Variants in ULK4 observed in about 807,000 individuals in gnomAD.
The protein encoded by ULK4 is unc-51 like kinase 4.
Under a neutral mutation model 160.6 loss-of-function variants are expected in ULK4, and 133 were observed. That is an observed-to-expected ratio of 0.83 (90% CI 0.72 to 0.96). The LOEUF (loss-of-function observed/expected upper bound fraction) is 0.96. Ranked by LOEUF, ULK4 falls within the 40% of genes least tolerant of loss-of-function variation. ULK4 has a pLI of 0.00. For missense variants in ULK4, 1,580 were observed against 1,499.5 expected, an observed-to-expected ratio of 1.05 and a Z score of -0.89; for synonymous variants, 534 against 539.8, an observed-to-expected ratio of 0.99 and a Z score of 0.15.
chr3:41,888,016 AT>A (rs1178061484), intron 16 of ULK4, among the ~76,000 whole-genome samples: 1 of 151,932 alleles, frequency 6.6e-6, no homozygotes, highest in African/African-American at 2.4e-5. Context: ...AAAAAAAAAA[AT>A]GTTTTTAATT....
intron 34 of ULK4, among the ~76,000 whole-genome samples, chr3:41,421,677 G>A (rs1179420600): frequency 6.6e-6 from 1 of 151,868 alleles, no homozygotes; most frequent in South Asian, 2.1e-4. Context: ...TGTGGGGAGG[G>A]GATTTTCTTG....
chr3:41,841,541 T>G (rs1055825307), intron 17 of ULK4, among the ~76,000 whole-genome samples: 3 of 151,212 alleles, frequency 2.0e-5, no homozygotes, highest in African/African-American at 7.3e-5. Flanking sequence ...GCCCTTCGTC[T>G]GGGAGGTGGG....
At chr3:41,672,314 C>T (rs151203698) in intron 29 of ULK4, among the ~76,000 whole-genome samples, 10 of 152,224 alleles carry the variant, frequency 6.6e-5, no homozygotes, top group African/African-American at 1.7e-4. Context: ...CAGGAATCAA[C>T]CTAGTGTCCA....
intron 3 of ULK4, among the ~76,000 whole-genome samples, chr3:41,936,583 G>A (rs936294823): frequency 6.6e-6 from 1 of 152,112 alleles, no homozygotes; most frequent in Admixed American, 6.5e-5. Flanking sequence ...GTACTATTCA[G>A]CCATAAAAAA....
At chr3:41,629,008 T>C (rs1309635338) in intron 30 of ULK4, among the ~76,000 whole-genome samples, 1 of 152,264 alleles carries the variant, frequency 6.6e-6, no homozygotes, top group Non-Finnish European at 1.5e-5. Context: ...ACACTTTCTA[T>C]GTGCCTATAT....
chr3:41,823,124 C>A (rs773045898), intron 18 of ULK4, among the ~76,000 whole-genome samples: 23 of 152,120 alleles, frequency 1.5e-4, no homozygotes, highest in Non-Finnish European at 1.0e-4. Context: ...AGACTGTAGA[C>A]AGGCTGGCTC....
intron 35 of ULK4, among the ~76,000 whole-genome samples, chr3:41,396,513 A>C (rs1431037340): frequency 6.6e-6 from 1 of 151,748 alleles, no homozygotes; most frequent in Non-Finnish European, 1.5e-5. Context: ...CTTCAGATTG[A>C]CTCACCTTTT....
intron 17 of ULK4, among the ~76,000 whole-genome samples, chr3:41,839,722 G>C (rs1171977566): frequency 1.3e-5 from 2 of 152,006 alleles, no homozygotes. Context: ...CCTAGAACTA[G>C]TGAGTTCTGC....
At chr3:41,443,707 C>T (rs759886397) in intron 34 of ULK4, among the ~76,000 whole-genome samples, 7 of 151,640 alleles carry the variant, frequency 4.6e-5, no homozygotes, top group Admixed American at 6.6e-5. Flanking sequence ...GTATATATAT[C>T]GTGATACATA....
chr3:41,868,476 T>A (rs1465586995), intron 17 of ULK4, among the ~76,000 whole-genome samples: 1 of 151,780 alleles, frequency 6.6e-6, no homozygotes, highest in South Asian at 2.1e-4. Context: ...AAACTGTATA[T>A]AGCTAGGTTT....
At chr3:41,477,465 T>C (rs903065298) in intron 32 of ULK4, among the ~76,000 whole-genome samples, 1 of 152,244 alleles carries the variant, frequency 6.6e-6, no homozygotes, top group Non-Finnish European at 1.5e-5. Context: ...TGGCTAATTT[T>C]ACATTTACAT....
At chr3:41,713,240 C>T (rs1272684060) in intron 25 of ULK4, among the ~76,000 whole-genome samples, 1 of 152,110 alleles carries the variant, frequency 6.6e-6, no homozygotes, top group Non-Finnish European at 1.5e-5. Flanking sequence ...TAGACTAGAC[C>T]TCATAGCAGC....
At chr3:41,841,932 G>A (rs1188076683) in intron 17 of ULK4, among the ~76,000 whole-genome samples, 1 of 152,058 alleles carries the variant, frequency 6.6e-6, no homozygotes, top group Admixed American at 6.5e-5. Flanking sequence ...ACAGATGCTT[G>A]AAGGCAGCAT....
intron 17 of ULK4, among the ~76,000 whole-genome samples, chr3:41,856,619 ATATATATATATG>A (rs1461735795): frequency 5.9e-5 from 7 of 119,232 alleles, no homozygotes; most frequent in African/African-American, 1.2e-4. Flanking sequence ...ATATATACAC[ATATATATATATG>A]TATATATATG....
chr3:41,377,244 C>A (rs188755082), intron 35 of ULK4, among the ~76,000 whole-genome samples: 2,623 of 152,196 alleles, frequency 0.017, 56 homozygotes, highest in African/African-American at 0.057. Context: ...TAAAGACTTA[C>A]ACGTTAGATC....
At chr3:41,798,093 C>G (rs2040355364) in intron 20 of ULK4, among the ~76,000 whole-genome samples, 1 of 151,542 alleles carries the variant, frequency 6.6e-6, no homozygotes, top group Non-Finnish European at 1.5e-5. Flanking sequence ...TAATAAGAAG[C>G]CCAAGATAGA....
intron 27 of ULK4, among the ~76,000 whole-genome samples, chr3:41,696,930 GAAT>G (rs1349878052): frequency 6.6e-6 from 1 of 152,176 alleles, no homozygotes; most frequent in African/African-American, 2.4e-5. Flanking sequence ...ACAAGCCTAA[GAAT>G]CCAGGTGGCC....
At chr3:41,333,171 T>C (rs1478489599) in intron 35 of ULK4, among the ~76,000 whole-genome samples, 1 of 152,232 alleles carries the variant, frequency 6.6e-6, no homozygotes, top group African/African-American at 2.4e-5. Context: ...AAGCACTGAA[T>C]TGGATCCTGT....
At chr3:41,515,114 G>C (rs1376120319) in intron 32 of ULK4, among the ~76,000 whole-genome samples, 1 of 151,752 alleles carries the variant, frequency 6.6e-6, no homozygotes, top group Non-Finnish European at 1.5e-5. Flanking sequence ...AAAATTAGCT[G>C]TGTGTGATGG....
Sources: gnomAD v4.1 joint callset for allele counts (sites outside exome capture counted in the v4.1 genomes callset) on GRCh38, gnomAD v4.1.1 for gene constraint, MANE v1.5 for transcripts, NCBI Gene and HGNC (gene_info 2026-07-23, HGNC 2026-07-21) for gene names.